Variants in INTS7 observed in about 807,000 individuals in gnomAD.
The protein encoded by INTS7 is integrator complex subunit 7, also known as chromosome 1 open reading frame 73.
A neutral mutation model predicts 109.2 loss-of-function variants in INTS7; 46 were observed. That is an observed-to-expected ratio of 0.42 (90% CI 0.33 to 0.54). INTS7 has a LOEUF of 0.54. Ranked by LOEUF, INTS7 falls within the 20% of genes least tolerant of loss-of-function variation. The probability of loss-of-function intolerance (pLI) is 0.07; values close to 1 mark genes in which losing one functional copy is unlikely to be tolerated. For synonymous variants in INTS7, 412 were observed against 402.9 expected (o/e 1.02, Z -0.27); for missense variants, 929 against 1,132.4 (o/e 0.82, Z 2.58).
At chr1:212,028,480 T>C (rs1167583275) in intron 1 of INTS7, among the ~76,000 whole-genome samples, 2 of 141,396 alleles carry the variant, frequency 1.4e-5, no homozygotes, top group African/African-American at 5.2e-5. Flanking sequence ...ATGATAGCCA[T>C]GTACCCCACT....
intron 2 of INTS7, among the ~76,000 whole-genome samples, chr1:212,020,562 C>T (rs759068744): frequency 1.3e-5 from 2 of 152,098 alleles, no homozygotes; most frequent in East Asian, 3.9e-4. Flanking sequence ...GGAAATCAGA[C>T]GGTCTTTCTC....
intron 16 of INTS7, among the ~76,000 whole-genome samples, chr1:211,954,707 A>G (rs919887580): frequency 2.0e-5 from 3 of 152,144 alleles, no homozygotes; most frequent in Admixed American, 2.0e-4. Flanking sequence ...AGATGGTTGT[A>G]GATATGCGGC....
chr1:211,963,877 G>A (rs1431828117), intron 16 of INTS7, among the ~76,000 whole-genome samples: 1 of 151,958 alleles, frequency 6.6e-6, no homozygotes, highest in Non-Finnish European at 1.5e-5. Flanking sequence ...CAAAACCACA[G>A]CCAACATCAT....
chr1:211,968,843 T>C, intron 13 of INTS7, 136 bp from the exon 14 acceptor site: 1 of 569,422 alleles, frequency 1.8e-6, no homozygotes, highest in Non-Finnish European at 3.0e-6. Flanking sequence ...ACCTAAATGA[T>C]AAAAAGAATA....
At chr1:211,951,039 T>C (rs759333287) in intron 17 of INTS7, among the ~76,000 whole-genome samples, 2 of 152,214 alleles carry the variant, frequency 1.3e-5, no homozygotes, top group Non-Finnish European at 2.9e-5. Context: ...TGGAAAGCAA[T>C]ATGTCAAAGG....
chr1:212,026,915 C>A (rs1455981651), intron 1 of INTS7, among the ~76,000 whole-genome samples: 1 of 152,170 alleles, frequency 6.6e-6, no homozygotes, highest in Non-Finnish European at 1.5e-5. Context: ...AACCAAAGAC[C>A]ATATTGATTT....
At chr1:212,020,070 A>G in intron 3 of INTS7, 52 bp downstream of exon 3, 1 of 1,264,524 alleles carries the variant, frequency 7.9e-7, no homozygotes, top group South Asian at 1.9e-5. Flanking sequence ...TTTTTTGTAC[A>G]TAATTACAGT....
intron 17 of INTS7, 123 bp downstream of exon 17, chr1:211,952,446 G>T: frequency 1.0e-6 from 1 of 974,196 alleles, no homozygotes; most frequent in Non-Finnish European, 1.5e-6. Context: ...TATTAACCCT[G>T]TTTTATGGAT....
At chr1:212,032,472 T>C (rs527399062) in intron 1 of INTS7, among the ~76,000 whole-genome samples, 2 of 152,012 alleles carry the variant, frequency 1.3e-5, no homozygotes, top group Non-Finnish European at 2.9e-5. Flanking sequence ...AACGGGACTC[T>C]GGTTATCTTT....
Position 211,946,785 on chromosome 1 carries a change from A to G in INTS7, c.2317-80T>C. On this transcript the variant is annotated intron_variant, in intron 17 of 19. Transcript: ENST00000366994. This position sits in a 1 kb window ranked among gnomAD's most constrained non-coding sequence, Gnocchi z 4.3. ...CAAGTGGTACATTCAGTATAAAACT[A>G]CAAATGCCCATATAGATTATTACAA... 1 of 877,540 alleles carries G rather than the reference A, an allele frequency of 1.1e-6. No individual in the cohort carries two copies. Among genetic ancestry groups the G allele is most frequent in the Non-Finnish European group, 1.8e-6 (1 of 553,928 alleles). 54.4% of individuals were successfully genotyped at this position (877,540 alleles called of 1,614,324 possible). A position where few individuals can be genotyped will look rare whatever the true frequency, so the allele number is the denominator to read the frequency against.
intron 4 of INTS7, among the ~76,000 whole-genome samples, chr1:212,015,596 G>A (rs2102482691): frequency 6.6e-6 from 1 of 151,202 alleles, no homozygotes; most frequent in South Asian, 2.1e-4. Flanking sequence ...CTCTGCCTAG[G>A]AAAACCACAG....
At chr1:211,991,441 A>G (rs1034039032) in intron 7 of INTS7, among the ~76,000 whole-genome samples, 1 of 152,256 alleles carries the variant, frequency 6.6e-6, no homozygotes, top group South Asian at 2.1e-4. Context: ...AGAAAAATAT[A>G]CAAAAAAATA....
chr1:211,982,405 T>C (rs1664704551), intron 9 of INTS7, among the ~76,000 whole-genome samples: 1 of 152,156 alleles, frequency 6.6e-6, no homozygotes, highest in Non-Finnish European at 1.5e-5. Context: ...CCACCATATA[T>C]GCACCATATA....
chr1:211,969,679 C>T (rs1664082690), intron 13 of INTS7, among the ~76,000 whole-genome samples: 1 of 151,120 alleles, frequency 6.6e-6, no homozygotes, highest in African/African-American at 2.4e-5. Context: ...CCTGAGTTTC[C>T]CAAGTAGCCG....
At chr1:211,960,788 C>T (rs1411164803) in intron 16 of INTS7, among the ~76,000 whole-genome samples, 2 of 151,890 alleles carry the variant, frequency 1.3e-5, no homozygotes, top group Non-Finnish European at 2.9e-5. Flanking sequence ...TAAGATGGGT[C>T]GATCACTTGA....
At chr1:211,976,979 CG>C (rs1270885876) in intron 11 of INTS7, among the ~76,000 whole-genome samples, 1 of 151,888 alleles carries the variant, frequency 6.6e-6, no homozygotes, top group Non-Finnish European at 1.5e-5. Flanking sequence ...CAATGAGATA[CG>C]TAAATAAAAT....
intron 3 of INTS7, among the ~76,000 whole-genome samples, chr1:212,018,748 T>C (rs1666558487): frequency 1.3e-5 from 2 of 152,306 alleles, no homozygotes; most frequent in Admixed American, 6.5e-5. Flanking sequence ...TATGTCAGTA[T>C]ATATAGACTC....
intron 2 of INTS7, chr1:212,020,798 C>T: frequency 1.1e-6 from 1 of 896,604 alleles, no homozygotes. Flanking sequence ...TTCTCAAAAA[C>T]AATCTGTACA....
intron 4 of INTS7, among the ~76,000 whole-genome samples, chr1:212,014,734 G>A (rs1666330694): frequency 6.6e-6 from 1 of 151,964 alleles, no homozygotes; most frequent in South Asian, 2.1e-4. Context: ...TGGTGGAGAC[G>A]GGGTTTCGCC....
Sources: allele counts gnomAD v4.1 joint callset (sites outside exome capture counted in the v4.1 genomes callset), GRCh38; gene constraint gnomAD v4.1.1; non-coding constraint Gnocchi (gnomAD v3.1); transcripts MANE v1.5; gene names NCBI Gene and HGNC (gene_info 2026-07-23, HGNC 2026-07-21).